The following COL24A1 variants were observed in gnomAD, a reference collection of about 807,000 sequenced individuals.
COL24A1 encodes the protein collagen type XXIV alpha 1 chain.
Under a neutral mutation model 253.9 loss-of-function variants are expected in COL24A1, and 224 were observed. The observed-to-expected ratio is 0.88, with a 90% CI of 0.79 to 0.99. COL24A1 has a LOEUF of 0.99. Ranked by LOEUF, COL24A1 falls within the 50% of genes least tolerant of loss-of-function variation. The probability of loss-of-function intolerance (pLI) is 0.00; values close to 1 mark genes in which losing one functional copy is unlikely to be tolerated. For missense variants in COL24A1, 2,131 were observed against 2,068.5 expected (o/e 1.03, Z -0.59); for synonymous variants, 685 against 673.7 (o/e 1.02, Z -0.26).
intron 45 of COL24A1, among the ~76,000 whole-genome samples, chr1:85,820,888 TA>T (rs1280347519): frequency 6.6e-6 from 1 of 152,214 alleles, no homozygotes; most frequent in Non-Finnish European, 1.5e-5. Context: ...ATAAGGGAAA[TA>T]TTTTTTAATA....
At chr1:86,114,745 T>C (rs1705960312) in intron 4 of COL24A1, among the ~76,000 whole-genome samples, 1 of 152,236 alleles carries the variant, frequency 6.6e-6, no homozygotes, top group Admixed American at 6.5e-5. Flanking sequence ...GCATTTGTCA[T>C]ACAATTCTTT....
intron 2 of COL24A1, among the ~76,000 whole-genome samples, chr1:86,141,857 C>T (rs776349240): frequency 3.9e-5 from 6 of 152,014 alleles, no homozygotes; most frequent in Non-Finnish European, 8.8e-5. Context: ...TATGCCACCA[C>T]ATCCGGCTAA....
At chr1:85,955,490 C>T (rs1311777163) in intron 24 of COL24A1, among the ~76,000 whole-genome samples, 1 of 152,222 alleles carries the variant, frequency 6.6e-6, no homozygotes, top group Non-Finnish European at 1.5e-5. Context: ...CACACTGTAA[C>T]ACATGCCCAC....
At chr1:85,946,234 C>G (rs544949168) in intron 24 of COL24A1, among the ~76,000 whole-genome samples, 1 of 152,252 alleles carries the variant, frequency 6.6e-6, no homozygotes, top group East Asian at 1.9e-4. Context: ...TAGCTCACTT[C>G]CGAGTTGAGG....
chr1:85,741,652 A>C (rs985318318), intron 57 of COL24A1, among the ~76,000 whole-genome samples: 2 of 152,212 alleles, frequency 1.3e-5, no homozygotes, highest in African/African-American at 4.8e-5. Context: ...AAGTAGCTCC[A>C]AATGTTGGGT....
intron 22 of COL24A1, among the ~76,000 whole-genome samples, chr1:85,968,893 T>C (rs1372879313): frequency 2.0e-5 from 3 of 152,178 alleles, no homozygotes; most frequent in African/African-American, 7.2e-5. Flanking sequence ...AATTCTATCA[T>C]ATTGTATTGA....
intron 20 of COL24A1, among the ~76,000 whole-genome samples, chr1:85,980,904 G>C (rs1050737615): frequency 2.0e-5 from 3 of 151,738 alleles, no homozygotes; most frequent in African/African-American, 7.3e-5. Context: ...GTGAGATTCC[G>C]AGACTCCGTC....
At chr1:85,747,403 C>T (rs149932685) in intron 55 of COL24A1, among the ~76,000 whole-genome samples, 1,714 of 151,940 alleles carry the variant, frequency 0.011, 35 homozygotes, top group African/African-American at 0.039. Context: ...TATGAGCCAC[C>T]GTGCCCGGCC....
intron 35 of COL24A1, among the ~76,000 whole-genome samples, chr1:85,872,547 A>G (rs1443559055): frequency 6.6e-6 from 1 of 152,150 alleles, no homozygotes; most frequent in Non-Finnish European, 1.5e-5. Flanking sequence ...CTCTACAACC[A>G]TCTGATCTTT....
chr1:85,811,596 C>T (rs1458336218), intron 47 of COL24A1, among the ~76,000 whole-genome samples: 2 of 152,152 alleles, frequency 1.3e-5, no homozygotes, highest in South Asian at 2.1e-4. Context: ...ATCTTGCTAA[C>T]ACTTGTTATT....
intron 22 of COL24A1, among the ~76,000 whole-genome samples, chr1:85,966,066 C>T (rs765776070): frequency 5.3e-5 from 8 of 151,960 alleles, no homozygotes; most frequent in Non-Finnish European, 1.0e-4. Flanking sequence ...GCGTCTAGTA[C>T]AATAATCCAA....
chr1:85,870,615 T>G (rs1680351842), intron 35 of COL24A1, among the ~76,000 whole-genome samples: 1 of 152,024 alleles, frequency 6.6e-6, no homozygotes, highest in Admixed American at 6.6e-5. Flanking sequence ...CATAACGAAA[T>G]GAAGGCAGAA....
At chr1:85,949,337 AAATTACAAAAGACT>A (rs1689673089) in intron 24 of COL24A1, among the ~76,000 whole-genome samples, 1 of 152,192 alleles carries the variant, frequency 6.6e-6, no homozygotes, top group Non-Finnish European at 1.5e-5. Flanking sequence ...AAAGTGCTAA[AAATTACAAAAGACT>A]ACATTTTATC....
At position 85,729,377 on chromosome 1, in the gene COL24A1, A is replaced by G. The variant is rs1161105588; in HGVS notation, c.*1169T>C. On this transcript the variant is annotated 3_prime_UTR_variant, in exon 60 of 60. Coordinates refer to ENST00000370571, the MANE Select transcript of COL24A1 (RefSeq NM_152890.7). ...GTATTGAACTAATATTTCTCTGATA[A>G]CAAGGAGACATTGAACTGGCTGAGC... The G allele has an allele frequency of 6.6e-6, 1 of 152,258 alleles. No individual in the cohort carries two copies. The highest frequency in any genetic ancestry group is 1.5e-5 in the Non-Finnish European group (1 of 68,014). The allele number at this position is 152,258 out of a possible 1,614,324, so 9.4% of individuals were successfully genotyped here.
intron 18 of COL24A1, among the ~76,000 whole-genome samples, chr1:86,017,786 T>C (rs1428126882): frequency 6.6e-6 from 1 of 152,248 alleles, no homozygotes; most frequent in African/African-American, 2.4e-5. Context: ...GCACAATGTC[T>C]GACATATGAA....
intron 24 of COL24A1, among the ~76,000 whole-genome samples, chr1:85,929,733 C>T (rs1210619243): frequency 1.4e-5 from 2 of 143,382 alleles, no homozygotes; most frequent in East Asian, 4.2e-4. Context: ...AACAAACTAT[C>T]TCTCAGACCA....
chr1:85,927,328 C>A (rs1410632189), intron 24 of COL24A1, among the ~76,000 whole-genome samples: 1 of 152,016 alleles, frequency 6.6e-6, no homozygotes, highest in African/African-American at 2.4e-5. Flanking sequence ...ACGGACGGCA[C>A]CTGGAAAATC....
At chr1:85,889,471 T>C in intron 32 of COL24A1, 89 bp downstream of exon 32, 3 of 1,110,158 alleles carry the variant, frequency 2.7e-6, no homozygotes, top group Non-Finnish European at 4.1e-6. Context: ...TTCTAAAACA[T>C]ACCAGTCACA....
chr1:85,902,439 T>A (rs778762738), intron 28 of COL24A1, among the ~76,000 whole-genome samples: 35 of 152,208 alleles, frequency 2.3e-4, no homozygotes, highest in Non-Finnish European at 5.0e-4. Flanking sequence ...TAGCTAGATT[T>A]TCTTTGTCCT....
Sources: gnomAD v4.1 joint callset for allele counts (sites outside exome capture counted in the v4.1 genomes callset) on GRCh38, gnomAD v4.1.1 for gene constraint, MANE v1.5 for transcripts, NCBI Gene and HGNC (gene_info 2026-07-23, HGNC 2026-07-21) for gene names.